Variants in SLC30A8 observed in about 807,000 individuals in gnomAD.
The protein encoded by SLC30A8 is proton-coupled zinc antiporter SLC30A8.
SLC30A8 carries 27 observed loss-of-function variants against 36.9 expected under a neutral mutation model. The observed-to-expected ratio is 0.73, with a 90% CI of 0.54 to 1.01. The LOEUF (loss-of-function observed/expected upper bound fraction) is 1.01, where lower values mean the gene tolerates loss of function less well. Ranked by LOEUF, SLC30A8 falls within the 50% of genes least tolerant of loss-of-function variation. SLC30A8 has a pLI of 0.00. For missense variants in SLC30A8, 439 were observed against 452.0 expected, an observed-to-expected ratio of 0.97 and a Z score of 0.26; for synonymous variants, 164 against 172.4, an observed-to-expected ratio of 0.95 and a Z score of 0.38.
At chr8:117,100,140 A>T (rs539469679) in intron 2 of SLC30A8, among the ~76,000 whole-genome samples, 1 of 152,276 alleles carries the variant, frequency 6.6e-6, no homozygotes, top group East Asian at 1.9e-4. Context: ...CTATTTGCCT[A>T]TTCTATCTCA....
In SLC30A8 at chr8:117,145,089, G is replaced by A. The variant is rs1220148181; in HGVS notation, c.72-1865G>A. ...ATCAGCTTGAGGTTGAAGAATAGCT[G>A]AGAGCCACAGAGAAATGAATCTGGA... is the stretch of plus-strand genomic sequence containing the variant. On this transcript the variant is annotated intron_variant, in intron 1 of 7. Coordinates refer to ENST00000456015, the MANE Select transcript of SLC30A8 (RefSeq NM_173851.3). 2.0e-5 allele frequency among the ~76,000 whole-genome samples: 3 copies of A among 152,160 alleles called. No individual in the cohort carries two copies. The East Asian group carries it at 5.8e-4, about 29-fold the overall frequency.
intron 1 of SLC30A8, among the ~76,000 whole-genome samples, chr8:116,995,056 C>T (rs17812443): frequency 1.3e-3 from 205 of 152,086 alleles, no homozygotes; most frequent in Middle Eastern, 3.4e-3. Context: ...AATGCCTCTT[C>T]GATTGTTAAT....
intron 1 of SLC30A8, among the ~76,000 whole-genome samples, chr8:116,972,599 T>C (rs1020472222): frequency 2.0e-5 from 3 of 152,190 alleles, no homozygotes; most frequent in Non-Finnish European, 4.4e-5. Context: ...ATTATTATAC[T>C]GGACTAAACA....
intron 2 of SLC30A8, among the ~76,000 whole-genome samples, chr8:117,086,846 A>C (rs1020191107): frequency 6.6e-6 from 1 of 152,208 alleles, no homozygotes; most frequent in African/African-American, 2.4e-5. Context: ...AATTGTGAGG[A>C]ATTAGAATCA....
intron 2 of SLC30A8, among the ~76,000 whole-genome samples, chr8:117,122,627 C>T (rs375976063): frequency 2.0e-5 from 3 of 152,108 alleles, no homozygotes; most frequent in African/African-American, 7.2e-5. Flanking sequence ...GATGAATGCA[C>T]AGTTGAGGTA....
upstream of SLC30A8, among the ~76,000 whole-genome samples, chr8:117,131,223 A>C (rs1821125147): frequency 6.6e-6 from 1 of 152,034 alleles, no homozygotes; most frequent in Non-Finnish European, 1.5e-5. Context: ...ATTAAAATAA[A>C]ATTTTCATAA....
chr8:117,170,019 A>T (rs1823290950), intron 6 of SLC30A8, among the ~76,000 whole-genome samples: 1 of 152,186 alleles, frequency 6.6e-6, no homozygotes, highest in Non-Finnish European at 1.5e-5. Flanking sequence ...CAGACTAGAG[A>T]ACCACTGCAA....
chr8:117,097,416 A>ATATATATAT (rs1563593802), intron 2 of SLC30A8, among the ~76,000 whole-genome samples: 1 of 104,676 alleles, frequency 9.6e-6, no homozygotes, highest in African/African-American at 4.3e-5. Context: ...AAAAAAAAAA[A>ATATATATAT]AAATATATAT....
intron 2 of SLC30A8, among the ~76,000 whole-genome samples, chr8:117,064,081 TC>T (rs34571400): frequency 6.6e-6 from 1 of 151,950 alleles, no homozygotes; most frequent in African/African-American, 2.4e-5. Flanking sequence ...CACTGCAACC[TC>T]CCAGGTTCAA....
At chr8:117,064,342 T>C (rs1378505535) in intron 2 of SLC30A8, among the ~76,000 whole-genome samples, 3 of 152,114 alleles carry the variant, frequency 2.0e-5, no homozygotes, top group Non-Finnish European at 4.4e-5. Flanking sequence ...TCAATCTCTA[T>C]AAGGGTGAAA....
rs149524118 is a variant in SLC30A8 at position 117,161,811 on chromosome 8, G to A, written c.646G>A (p.Ala216Thr). The change falls in exon 5 of 8, where the codon GCT becomes ACT. Residue 216 changes from alanine to threonine, a missense_variant. By Grantham distance (58) the Ala-to-Thr change is moderately conservative. Transcript: ENST00000456015. ...KEVQANASVR[A>T]AFVHALGDLF... ...AGTACAAGCCAATGCCAGCGTCAGA[G>A]CTGCTTTTGTGCATGCCCTTGGAGA... 256 of 1,613,868 alleles carry A rather than the reference G, an allele frequency of 1.6e-4. No individual in the cohort carries two copies. Among genetic ancestry groups the A allele is most frequent in the Non-Finnish European group, 2.1e-4 (246 of 1,179,914 alleles).
chr8:117,048,231 G>C (rs1170250777), intron 2 of SLC30A8, among the ~76,000 whole-genome samples: 1 of 152,148 alleles, frequency 6.6e-6, no homozygotes, highest in Non-Finnish European at 1.5e-5. Context: ...GTAGCATTCT[G>C]TGCCAAGGAT....
intron 2 of SLC30A8, among the ~76,000 whole-genome samples, chr8:117,058,708 T>C (rs1296987769): frequency 3.9e-5 from 6 of 152,194 alleles, no homozygotes; most frequent in Non-Finnish European, 8.8e-5. Flanking sequence ...CTTTTTAAAA[T>C]GGCTTAAATG....
rs71305456 is a variant in SLC30A8, at chr8:117,006,772, A to ATT, written c.-265-32420_-265-32419dup. On this transcript the variant is annotated intron_variant, in intron 1 of 10. Transcript: ENST00000427715. ...CTAAGACTGAGAGTTGAGTCAGGTA[A>ATT]TTTTTTTTTTTTTTTTTTTTTTTTT... is the stretch of plus-strand genomic sequence containing the variant. Among the ~76,000 whole-genome samples the ATT allele has an allele frequency of 8.9e-3, 702 of 78,958 alleles. 49 individuals carry two copies. Among genetic ancestry groups the ATT allele is most frequent in the African/African-American group, 0.025 (541 of 21,416 alleles). The allele number at this position is 78,958 out of a possible 152,430, so 51.8% of individuals were successfully genotyped here.
Position 117,081,204 on chromosome 8 carries a change from G to T in SLC30A8, c.-226+41946G>T, listed in dbSNP as rs531056681. Among the ~76,000 whole-genome samples the T allele has an allele frequency of 2.0e-5, 3 of 152,146 alleles. No individual in the cohort carries two copies. The South Asian group carries it at 6.2e-4, about 32-fold the overall frequency. Reference sequence around the variant, plus strand: ...CTAAAGTGCAGGCATGGTGATAGATGTTGAGGGCACAGTGAATGTATTAGT... The same window carrying T: ...CTAAAGTGCAGGCATGGTGATAGATTTTGAGGGCACAGTGAATGTATTAGT... On this transcript the variant is annotated intron_variant, in intron 2 of 10. Transcript: ENST00000427715.
chr8:117,027,225 T>C (rs1816904325), intron 1 of SLC30A8, among the ~76,000 whole-genome samples: 1 of 152,116 alleles, frequency 6.6e-6, no homozygotes, highest in Admixed American at 6.5e-5. Context: ...AAGGAGGGGC[T>C]CATCTTGGCC....
chr8:117,022,737 C>G (rs940415926), intron 1 of SLC30A8, among the ~76,000 whole-genome samples: 16 of 152,214 alleles, frequency 1.1e-4, no homozygotes, highest in South Asian at 1.0e-3. Context: ...CAAGATGGAT[C>G]AAAGACTTAA....
chr8:117,163,952 T>A (rs921134224), intron 6 of SLC30A8: 1 of 161,386 alleles, frequency 6.2e-6, no homozygotes, highest in Non-Finnish European at 1.3e-5. Context: ...AAGTGTTTAT[T>A]GAGCCCCAAC....
At chr8:117,075,001 AC>A (rs1818447693) in intron 2 of SLC30A8, among the ~76,000 whole-genome samples, 1 of 152,264 alleles carries the variant, frequency 6.6e-6, no homozygotes, top group Admixed American at 6.5e-5. Context: ...TAGGGAGAAA[AC>A]CAACAGCAAC....
Sources: gnomAD v4.1 joint callset for allele counts (sites outside exome capture counted in the v4.1 genomes callset) on GRCh38, gnomAD v4.1.1 for gene constraint, MANE v1.5 for transcripts, NCBI Gene and HGNC (gene_info 2026-07-23, HGNC 2026-07-21) for gene names.